Variants in AP3B1 observed in about 807,000 individuals in gnomAD.
The protein encoded by AP3B1 is AP-3 complex subunit beta-1.
A neutral mutation model predicts 132.5 loss-of-function variants in AP3B1; 61 were observed. The observed-to-expected ratio is 0.46, with a 90% confidence interval of 0.37 to 0.57. The LOEUF is 0.57. Among genes scored for constraint, AP3B1 ranks in the 20% least tolerant of loss-of-function variants. The pLI is 0.00. For synonymous variants in AP3B1, 388 were observed against 438.3 expected, an observed-to-expected ratio of 0.89 and a Z score of 1.43; for missense variants, 1,120 against 1,289.4, an observed-to-expected ratio of 0.87 and a Z score of 2.01.
intron 13 of AP3B1, among the ~76,000 whole-genome samples, chr5:78,162,013 A>G (rs1288592557): frequency 6.6e-6 from 1 of 152,146 alleles, no homozygotes; most frequent in Non-Finnish European, 1.5e-5. Context: ...CATAGACATT[A>G]GTATATTTTA....
chr5:78,041,200 G>T (rs1019443086), intron 22 of AP3B1, among the ~76,000 whole-genome samples: 8 of 151,948 alleles, frequency 5.3e-5, no homozygotes, highest in Non-Finnish European at 8.8e-5. Context: ...CTTGAACCTG[G>T]GAGGCGGAGG....
chr5:78,169,564 G>C (rs1003399144), intron 11 of AP3B1, among the ~76,000 whole-genome samples: 1 of 152,008 alleles, frequency 6.6e-6, no homozygotes, highest in Non-Finnish European at 1.5e-5. Context: ...AAGTAGCTAA[G>C]ATTACAGACA....
rs370371072 is a variant in AP3B1 at position 78,193,738 on chromosome 5, ATTTTTT to A, written c.787-12082_787-12077del. The stretch of plus-strand genomic sequence containing the variant: ...TACATATTTTTAAATATTTGTATAT[ATTTTTT>A]TATATATATATATATATATATATAT... On this transcript the variant is annotated intron_variant, in intron 7 of 26. Coordinates refer to ENST00000255194, the MANE Select transcript of AP3B1 (RefSeq NM_003664.5). Among the ~76,000 whole-genome samples, 389 of 87,128 alleles carry A rather than the reference ATTTTTT, an allele frequency of 4.5e-3. 5 individuals carry two copies. Among genetic ancestry groups the A allele is most frequent in the Middle Eastern group, 0.016 (2 of 126 alleles). 57.2% of individuals were successfully genotyped at this position (87,128 alleles called of 152,430 possible). A position where few individuals can be genotyped will look rare whatever the true frequency, so the allele number is the denominator to read the frequency against.
chr5:78,133,497 C>T (rs1752770500), intron 15 of AP3B1, among the ~76,000 whole-genome samples: 1 of 152,246 alleles, frequency 6.6e-6, no homozygotes, highest in African/African-American at 2.4e-5. Context: ...AGTGATATTA[C>T]TTCATTAAAA....
intron 24 of AP3B1, among the ~76,000 whole-genome samples, chr5:78,021,280 C>T (rs764504998): frequency 5.9e-5 from 9 of 151,934 alleles, no homozygotes; most frequent in Non-Finnish European, 1.2e-4. Flanking sequence ...AAAGTAATAT[C>T]TCATCTGCAA....
intron 2 of AP3B1, among the ~76,000 whole-genome samples, chr5:78,264,248 A>T (rs911950003): frequency 2.6e-5 from 4 of 152,222 alleles, no homozygotes; most frequent in African/African-American, 9.6e-5. Flanking sequence ...GGATGAAATT[A>T]TGTTTAATTT....
chr5:78,249,196 A>T (rs957670699), intron 2 of AP3B1, among the ~76,000 whole-genome samples: 4 of 151,980 alleles, frequency 2.6e-5, no homozygotes, highest in Non-Finnish European at 4.4e-5. Context: ...CTCTATTAAA[A>T]ATACAAAAAC....
intron 24 of AP3B1, among the ~76,000 whole-genome samples, chr5:78,029,390 C>T (rs1346947402): frequency 1.3e-5 from 2 of 152,018 alleles, no homozygotes; most frequent in Non-Finnish European, 2.9e-5. Flanking sequence ...AATGCATACA[C>T]ACACACACAC....
rs145308401 is a variant in AP3B1 at position 78,179,742 on chromosome 5, A to C, written c.942+1765T>G. ...AGCAATGATGTATTATGTTTCCTGA[A>C]AGAAATTCTCAAAGTCTCTCCATAA... On this transcript the variant is annotated intron_variant, in intron 8 of 26. Coordinates refer to ENST00000255194, the MANE Select transcript of AP3B1 (RefSeq NM_003664.5). Among the ~76,000 whole-genome samples the C allele has an allele frequency of 3.2e-4, 49 of 152,266 alleles. No individual in the cohort carries two copies. The East Asian group carries it at 7.7e-3, about 24-fold the overall frequency.
intron 26 of AP3B1, among the ~76,000 whole-genome samples, chr5:78,009,785 G>C (rs1326574766): frequency 6.7e-6 from 1 of 148,974 alleles, no homozygotes; most frequent in Non-Finnish European, 1.5e-5. Flanking sequence ...GGGGGGTGGG[G>C]GAGGGGGAGA....
At chr5:78,212,979 G>A (rs1347546449) in intron 7 of AP3B1, among the ~76,000 whole-genome samples, 1 of 152,030 alleles carries the variant, frequency 6.6e-6, no homozygotes, top group African/African-American at 2.4e-5. Context: ...CTGGGTTCAT[G>A]CCATTCTCCT....
At chr5:78,275,012 T>C (rs1748715610) in intron 1 of AP3B1, among the ~76,000 whole-genome samples, 2 of 152,146 alleles carry the variant, frequency 1.3e-5, no homozygotes, top group Admixed American at 6.5e-5. Context: ...TTACCAGCCA[T>C]ACCATCTCTG....
intron 6 of AP3B1, among the ~76,000 whole-genome samples, chr5:78,221,052 T>C (rs1158273785): frequency 6.6e-6 from 1 of 152,070 alleles, no homozygotes; most frequent in Admixed American, 6.6e-5. Flanking sequence ...CCTTCTTTTT[T>C]AGGCAGAAAA....
chr5:78,117,084 C>G (rs1315335734), intron 17 of AP3B1, among the ~76,000 whole-genome samples: 1 of 151,880 alleles, frequency 6.6e-6, no homozygotes, highest in Non-Finnish European at 1.5e-5. Flanking sequence ...CTGGCCATGC[C>G]TTACTGTTCC....
At chr5:78,121,394 A>G (rs1234599705) in intron 17 of AP3B1, among the ~76,000 whole-genome samples, 1 of 152,230 alleles carries the variant, frequency 6.6e-6, no homozygotes, top group African/African-American at 2.4e-5. Context: ...AAAAAAATCA[A>G]TGAATCCAGG....
At chr5:78,268,288 T>C (rs1748410868) in intron 1 of AP3B1, among the ~76,000 whole-genome samples, 1 of 152,176 alleles carries the variant, frequency 6.6e-6, no homozygotes, top group Non-Finnish European at 1.5e-5. Context: ...TAACTGTATT[T>C]TGTTCTTCTA....
intron 15 of AP3B1, among the ~76,000 whole-genome samples, chr5:78,135,309 T>C (rs1458262917): frequency 2.6e-5 from 4 of 152,150 alleles, no homozygotes; most frequent in South Asian, 2.1e-4. Context: ...AAAAACATGA[T>C]ATTAAGCAAA....
intron 2 of AP3B1, among the ~76,000 whole-genome samples, chr5:78,243,774 G>A (rs1747249230): frequency 6.9e-6 from 1 of 145,292 alleles, no homozygotes; most frequent in South Asian, 2.1e-4. Context: ...AGGAGGCCAG[G>A]AGAGCCAGAC....
At chr5:78,053,980 T>C (rs252793) in intron 22 of AP3B1, among the ~76,000 whole-genome samples, 40,682 of 152,068 alleles carry the variant, frequency 0.27, 6,059 homozygotes, top group Admixed American at 0.4. Context: ...TAGCACATGT[T>C]TTACTAGCCT....
Sources: gnomAD v4.1 joint callset for allele counts (sites outside exome capture counted in the v4.1 genomes callset) on GRCh38, gnomAD v4.1.1 for gene constraint, MANE v1.5 for transcripts, NCBI Gene and HGNC (gene_info 2026-07-23, HGNC 2026-07-21) for gene names.